NTNG1: variants seen among roughly 807,000 people sequenced by gnomAD.
The protein encoded by NTNG1 is netrin-G1.
In NTNG1, 16 loss-of-function variants were observed where a neutral mutation model predicts 54.0. The observed-to-expected ratio is 0.30, with a 90% confidence interval of 0.20 to 0.45. The LOEUF is 0.45. Among genes scored for constraint, NTNG1 ranks in the 20% least tolerant of loss-of-function variants. The probability of loss-of-function intolerance (pLI) is 1.00; values close to 1 mark genes in which losing one functional copy is unlikely to be tolerated. For missense variants in NTNG1, 530 were observed against 678.7 expected (o/e 0.78, Z 2.43); for synonymous variants, 255 against 263.1 (o/e 0.97, Z 0.30).
At chr1:107,253,941 GATTA>G (rs1662771953) in intron 2 of NTNG1, among the ~76,000 whole-genome samples, 1 of 152,220 alleles carries the variant, frequency 6.6e-6, no homozygotes, top group African/African-American at 2.4e-5. Context: ...AAACCGATTA[GATTA>G]ATTACTATTC....
At chr1:107,479,062 T>C (rs1571054142) in intron 7 of NTNG1, among the ~76,000 whole-genome samples, 1 of 152,350 alleles carries the variant, frequency 6.6e-6, no homozygotes, top group East Asian at 1.9e-4. Context: ...AAGGATTTAG[T>C]AGGCCTTAAT....
chr1:107,332,135 A>T (rs1246662575), intron 3 of NTNG1, among the ~76,000 whole-genome samples: 2 of 152,110 alleles, frequency 1.3e-5, no homozygotes, highest in African/African-American at 4.8e-5. Context: ...GAAAATCTTG[A>T]ATTATAAAGA....
intron 2 of NTNG1, among the ~76,000 whole-genome samples, chr1:107,190,264 AC>A (rs920972437): frequency 8.5e-5 from 13 of 152,086 alleles, no homozygotes; most frequent in African/African-American, 3.1e-4. Flanking sequence ...ATGTTAACTC[AC>A]TTAATTCCAC....
At chr1:107,389,592 C>T (rs543794697) in intron 3 of NTNG1, among the ~76,000 whole-genome samples, 1 of 152,178 alleles carries the variant, frequency 6.6e-6, no homozygotes, top group Non-Finnish European at 1.5e-5. Context: ...CACTGGTGTT[C>T]GTAAAGTTTG....
intron 7 of NTNG1, among the ~76,000 whole-genome samples, chr1:107,461,819 A>T (rs1395730630): frequency 3.3e-5 from 5 of 152,144 alleles, no homozygotes; most frequent in Non-Finnish European, 7.3e-5. Flanking sequence ...GGTGTGAGCC[A>T]CCGCGCCTGG....
intron 2 of NTNG1, among the ~76,000 whole-genome samples, chr1:107,216,001 A>T (rs1403253249): frequency 6.6e-6 from 1 of 152,106 alleles, no homozygotes; most frequent in Non-Finnish European, 1.5e-5. Flanking sequence ...AAATATTTAT[A>T]CTAAGACTTT....
intron 7 of NTNG1, among the ~76,000 whole-genome samples, chr1:107,458,178 T>C (rs1436762781): frequency 6.6e-6 from 1 of 152,130 alleles, no homozygotes; most frequent in Non-Finnish European, 1.5e-5. Context: ...AATCTATTAG[T>C]CAGATTAATG....
At chr1:107,208,984 A>G (rs145195725) in intron 2 of NTNG1, among the ~76,000 whole-genome samples, 58 of 152,178 alleles carry the variant, frequency 3.8e-4, no homozygotes, top group African/African-American at 1.3e-3. Context: ...TTAGTTATCC[A>G]TTATCCAAAC....
chr1:107,366,160 C>T (rs902045456), intron 3 of NTNG1, among the ~76,000 whole-genome samples: 2 of 152,044 alleles, frequency 1.3e-5, no homozygotes, highest in African/African-American at 2.4e-5. Context: ...GGTATTGTAA[C>T]CATGTCCACT....
chr1:107,370,802 G>A (rs1295709801), intron 3 of NTNG1, among the ~76,000 whole-genome samples: 2 of 151,814 alleles, frequency 1.3e-5, no homozygotes, highest in Non-Finnish European at 2.9e-5. Flanking sequence ...TATAGGTTTT[G>A]CACATATTTT....
chr1:107,346,626 A>C (rs1206804900), intron 3 of NTNG1, among the ~76,000 whole-genome samples: 1 of 152,116 alleles, frequency 6.6e-6, no homozygotes, highest in Non-Finnish European at 1.5e-5. Context: ...TCCAAGATAA[A>C]ATGTTCAGTA....
chr1:107,440,746 A>C (rs970053557), intron 7 of NTNG1, among the ~76,000 whole-genome samples: 4 of 152,138 alleles, frequency 2.6e-5, no homozygotes, highest in African/African-American at 9.7e-5. Context: ...AGTGAAGCAA[A>C]GCTGACCCCA....
At chr1:107,140,393 C>G (rs1028103792), upstream of NTNG1, among the ~76,000 whole-genome samples, 4 of 152,100 alleles carry the variant, frequency 2.6e-5, no homozygotes, top group Non-Finnish European at 5.9e-5. Flanking sequence ...GCTCGCTGCC[C>G]GCTCGGAGCA....
At chr1:107,460,498 TATGGCCC>T (rs199665391) in intron 7 of NTNG1, 2 of 491,286 alleles carry the variant, frequency 4.1e-6, no homozygotes, top group East Asian at 1.1e-4. Context: ...TTATTTCCTC[TATGGCCC>T]ATGGTTTAAT....
chr1:107,163,692 C>T (rs1038571507), intron 2 of NTNG1, among the ~76,000 whole-genome samples: 2 of 152,166 alleles, frequency 1.3e-5, no homozygotes, highest in Non-Finnish European at 2.9e-5. Context: ...GATACAATGA[C>T]ATTTGCACTG....
intron 2 of NTNG1, among the ~76,000 whole-genome samples, chr1:107,310,400 A>G (rs568452277): frequency 1.3e-5 from 2 of 152,276 alleles, no homozygotes; most frequent in African/African-American, 2.4e-5. Context: ...GAACTAACCT[A>G]CAACATCTAA....
intron 2 of NTNG1, among the ~76,000 whole-genome samples, chr1:107,168,879 T>C (rs922509032): frequency 2.0e-5 from 3 of 152,150 alleles, no homozygotes; most frequent in Admixed American, 6.6e-5. Context: ...ATTTCAAATA[T>C]ACATCATGTT....
chr1:107,143,608 A>G (rs1653900381), intron 1 of NTNG1, among the ~76,000 whole-genome samples: 1 of 152,122 alleles, frequency 6.6e-6, no homozygotes, highest in Admixed American at 6.5e-5. Flanking sequence ...ATAGGAGATT[A>G]TATTAGTAAA....
chr1:107,447,775 G>C (rs1676395632), intron 7 of NTNG1, among the ~76,000 whole-genome samples: 1 of 152,038 alleles, frequency 6.6e-6, no homozygotes. Context: ...TTCATCTTTG[G>C]TTACTGAATT....
Sources: allele counts gnomAD v4.1 joint callset (sites outside exome capture counted in the v4.1 genomes callset), GRCh38; gene constraint gnomAD v4.1.1; transcripts MANE v1.5; gene names NCBI Gene and HGNC (gene_info 2026-07-23, HGNC 2026-07-21).